FAT3: variants seen among roughly 807,000 people sequenced by gnomAD.
FAT3 encodes FAT atypical cadherin 3.
In FAT3, 95 loss-of-function variants were observed where a neutral mutation model predicts 310.2. The ratio of observed to expected loss-of-function variants is 0.31; its 90% CI spans 0.26 to 0.36. The LOEUF is 0.36. Ranked by LOEUF, FAT3 falls within the 10% of genes least tolerant of loss-of-function variation. FAT3 has a pLI of 1.00. For synonymous variants in FAT3, 2,314 were observed against 2,192.9 expected, an observed-to-expected ratio of 1.06 and a Z score of -1.54; for missense variants, 5,408 against 5,715.6, an observed-to-expected ratio of 0.95 and a Z score of 1.74.
intron 2 of FAT3, among the ~76,000 whole-genome samples, chr11:92,393,022 C>T (rs914422241): frequency 1.3e-5 from 2 of 152,138 alleles, no homozygotes; most frequent in Non-Finnish European, 2.9e-5. Flanking sequence ...CTGATCCCAT[C>T]TCTGAGTTGC....
intron 1 of FAT3, among the ~76,000 whole-genome samples, chr11:92,266,635 T>G (rs537235910): frequency 3.6e-4 from 55 of 152,200 alleles, no homozygotes; most frequent in Admixed American, 2.9e-3. Context: ...CAGTCTGGAG[T>G]GTCTGTGGCT....
At chr11:92,638,355 C>T (rs189077223) in intron 3 of FAT3, among the ~76,000 whole-genome samples, 157 of 152,284 alleles carry the variant, frequency 1.0e-3, no homozygotes, top group African/African-American at 3.4e-3. Flanking sequence ...GTGTCTTGGG[C>T]ATTCTTTACT....
chr11:92,454,463 G>A (rs1951446908), intron 2 of FAT3, among the ~76,000 whole-genome samples: 1 of 152,076 alleles, frequency 6.6e-6, no homozygotes, highest in Admixed American at 6.6e-5. Context: ...AGACATATAG[G>A]AACTCAACAT....
chr11:92,859,237 A>G lies in FAT3; in HGVS notation c.11573A>G (p.Asp3858Gly), dbSNP rs1474219988. The change falls in exon 21 of 28, where the codon GAT (aspartate) becomes GGT (glycine). Residue 3858 changes from aspartate (D) to glycine (G), a missense_variant. By Grantham distance (94) the Asp-to-Gly change is moderately conservative. Transcript: ENST00000525166. ...YRLSENSKEE[D>G]FKLALRLRTL... is the part of the protein sequence containing the mutation. The stretch of plus-strand genomic sequence containing the variant: ...CTTTCTGAAAATAGCAAAGAAGAGG[A>G]TTTCAAACTAGCTCTGCGTCTTCGA... 6.2e-7 allele frequency: 1 copy of G among 1,613,874 alleles called. No homozygotes were observed.
intron 3 of FAT3, among the ~76,000 whole-genome samples, chr11:92,659,290 G>A (rs1942690997): frequency 2.0e-5 from 3 of 152,092 alleles, no homozygotes; most frequent in Admixed American, 2.0e-4. Context: ...TGTTATTTCT[G>A]TTATTCATTC....
chr11:92,368,104 C>A (rs1949075853), intron 2 of FAT3, among the ~76,000 whole-genome samples: 1 of 152,062 alleles, frequency 6.6e-6, no homozygotes, highest in Non-Finnish European at 1.5e-5. Context: ...GTCTGACACA[C>A]CTCTCTAATG....
At chr11:92,411,919 C>G (rs947976767) in intron 2 of FAT3, among the ~76,000 whole-genome samples, 1 of 151,970 alleles carries the variant, frequency 6.6e-6, no homozygotes, top group Non-Finnish European at 1.5e-5. Context: ...GCTAATTAAT[C>G]TTCATTCATC....
chr11:92,794,133 G>A (rs1361889603), intron 9 of FAT3, among the ~76,000 whole-genome samples: 1 of 151,950 alleles, frequency 6.6e-6, no homozygotes, highest in Non-Finnish European at 1.5e-5. Flanking sequence ...TCAATCTAAA[G>A]CCTGACCAGT....
intron 3 of FAT3, among the ~76,000 whole-genome samples, chr11:92,664,363 G>A (rs935491600): frequency 4.6e-5 from 7 of 152,184 alleles, no homozygotes; most frequent in African/African-American, 1.7e-4. Flanking sequence ...ATTGATCTTA[G>A]TTCTTCTTAT....
chr11:92,684,104 A>G (rs1591604862), intron 3 of FAT3, among the ~76,000 whole-genome samples: 1 of 152,192 alleles, frequency 6.6e-6, no homozygotes. Flanking sequence ...ATGCACAGCC[A>G]TTTGTTCAGA....
intron 3 of FAT3, among the ~76,000 whole-genome samples, chr11:92,605,892 T>C (rs1309457669): frequency 6.6e-6 from 1 of 152,042 alleles, no homozygotes; most frequent in Non-Finnish European, 1.5e-5. Context: ...CTTTGCCAGA[T>C]TGCTTGCAAG....
chr11:92,730,870 TC>T (rs947383914), intron 4 of FAT3, among the ~76,000 whole-genome samples: 3 of 152,120 alleles, frequency 2.0e-5, no homozygotes, highest in Non-Finnish European at 4.4e-5. Context: ...TTTTTTTTCA[TC>T]CCCCTGCCTT....
intron 1 of FAT3, among the ~76,000 whole-genome samples, chr11:92,285,165 G>T (rs181242225): frequency 6.6e-6 from 1 of 152,150 alleles, no homozygotes; most frequent in Admixed American, 6.6e-5. Flanking sequence ...GAAGACAGAA[G>T]ACTGATGTCT....
chr11:92,882,677 C>T (rs2136406652), intron 23 of FAT3, 61 bp from the exon 24 acceptor site: 1 of 1,438,832 alleles, frequency 7.0e-7, no homozygotes, highest in Non-Finnish European at 9.2e-7. Context: ...TCTCGAGTTC[C>T]CGTATACCAA....
At chr11:92,588,885 T>G (rs1396108915) in intron 3 of FAT3, among the ~76,000 whole-genome samples, 1 of 149,964 alleles carries the variant, frequency 6.7e-6, no homozygotes, top group East Asian at 2.0e-4. Flanking sequence ...AGGGAATTAA[T>G]GAGGAATTAT....
At chr11:92,594,768 G>A (rs1939617453) in intron 3 of FAT3, among the ~76,000 whole-genome samples, 1 of 152,080 alleles carries the variant, frequency 6.6e-6, no homozygotes, top group Non-Finnish European at 1.5e-5. Context: ...TAGTACCGTT[G>A]TAAAATCCAG....
At chr11:92,871,769 G>T (rs953933709) in intron 22 of FAT3, among the ~76,000 whole-genome samples, 1 of 147,676 alleles carries the variant, frequency 6.8e-6, no homozygotes, top group Non-Finnish European at 1.5e-5. Context: ...ATCTGAATTG[G>T]CAAGAGTGGA....
At chr11:92,696,760 T>G (rs1943952250) in intron 3 of FAT3, among the ~76,000 whole-genome samples, 2 of 152,236 alleles carry the variant, frequency 1.3e-5, no homozygotes, top group Admixed American at 1.3e-4. Flanking sequence ...GATTCACTTA[T>G]GAGAAACACC....
intron 4 of FAT3, among the ~76,000 whole-genome samples, chr11:92,714,414 C>A (rs542659870): frequency 2.6e-4 from 40 of 152,216 alleles, no homozygotes; most frequent in Admixed American, 2.0e-3. Flanking sequence ...AACTGTACTT[C>A]CCACACTAAA....
Sources: allele counts gnomAD v4.1 joint callset (sites outside exome capture counted in the v4.1 genomes callset), GRCh38; gene constraint gnomAD v4.1.1; transcripts MANE v1.5; gene names NCBI Gene and HGNC (gene_info 2026-07-23, HGNC 2026-07-21).